Variants in NEMF observed in about 807,000 individuals in gnomAD.
NEMF encodes ribosome quality control complex subunit NEMF.
NEMF carries 89 observed loss-of-function variants against 162.2 expected under a neutral mutation model. The observed-to-expected ratio is 0.55, with a 90% CI of 0.46 to 0.65. The LOEUF is 0.65. NEMF is among the 30% of genes least tolerant of loss of function. The probability of loss-of-function intolerance (pLI) is 0.00; values close to 1 mark genes in which losing one functional copy is unlikely to be tolerated. For missense variants in NEMF, 1,133 were observed against 1,261.9 expected (o/e 0.90, Z 1.55); for synonymous variants, 421 against 404.5 (o/e 1.04, Z -0.49).
In NEMF at chr14:49,800,537, CCTT is replaced by C. The variant is rs773409258; in HGVS notation, c.2252_2254del (p.Glu751del). 11 of 1,614,006 alleles carry C rather than the reference CCTT, an allele frequency of 6.8e-6. No individual in the cohort carries two copies. The highest frequency in any genetic ancestry group is 1.7e-5 in the Admixed American group (1 of 60,018). Reference sequence around the variant, plus strand: ...ATCTTTTCTAACCTCTTCATATTCTCCTTCGTCTTCAGAGCTTTCTTCCTGAAT... The same window carrying C: ...ATCTTTTCTAACCTCTTCATATTCTCCGTCTTCAGAGCTTTCTTCCTGAAT... On this transcript the variant is annotated inframe_deletion, in exon 23 of 33. Transcript: ENST00000298310.
intron 16 of NEMF, chr14:49,818,520 T>C (rs1461167701): frequency 5.3e-5 from 8 of 152,292 alleles, no homozygotes; most frequent in Admixed American, 2.0e-4. Flanking sequence ...GAGTTTAAGA[T>C]GGGAATGAAA....
chr14:49,798,138 CGAAT>C (rs906585335), intron 25 of NEMF, among the ~76,000 whole-genome samples: 7 of 152,086 alleles, frequency 4.6e-5, no homozygotes, highest in African/African-American at 7.2e-5. Context: ...GGTTGAAAAA[CGAAT>C]GAATGAATGA....
chr14:49,788,957 T>C (rs1890314750), intron 28 of NEMF, among the ~76,000 whole-genome samples, 189 bp downstream of exon 28: 1 of 152,202 alleles, frequency 6.6e-6, no homozygotes, highest in Non-Finnish European at 1.5e-5. Flanking sequence ...CAGCTATCAG[T>C]ACTACCATTA....
chr14:49,820,582 A>C, intron 16 of NEMF: 1 of 439,676 alleles, frequency 2.3e-6, no homozygotes, highest in Admixed American at 2.5e-5. Context: ...TAGCCTGGCC[A>C]ATATGGTGAA....
At chr14:49,814,901 C>T in intron 16 of NEMF, 44 bp from the exon 17 acceptor site, 9 of 1,100,492 alleles carry the variant, frequency 8.2e-6, no homozygotes, top group Non-Finnish European at 1.1e-5. Context: ...TTTATAGCTG[C>T]CTGAATTCAT....
At chr14:49,851,725 A>T in intron 2 of NEMF, 60 bp from the exon 3 acceptor site, 1 of 1,492,524 alleles carries the variant, frequency 6.7e-7, no homozygotes, top group Non-Finnish European at 9.3e-7. Context: ...ATTGCTAAAC[A>T]GGCTTAAAAT....
chr14:49,817,180 T>G (rs1891755841), intron 16 of NEMF, among the ~76,000 whole-genome samples: 1 of 152,196 alleles, frequency 6.6e-6, no homozygotes, highest in African/African-American at 2.4e-5. Context: ...CGGTGGCTTA[T>G]GCCTGTAATC....
chr14:49,828,932 A>G (rs1343563031), intron 13 of NEMF, 122 bp downstream of exon 13: 1 of 1,284,614 alleles, frequency 7.8e-7, no homozygotes, highest in African/African-American at 1.5e-5. Flanking sequence ...TTTTAATCTA[A>G]ATTAGTTTTT....
intron 3 of NEMF, among the ~76,000 whole-genome samples, chr14:49,850,351 G>C (rs144245583): frequency 2.8e-4 from 42 of 152,300 alleles, no homozygotes; most frequent in African/African-American, 9.9e-4. Context: ...GCCTCCCAAA[G>C]TGTTGGAATT....
chr14:49,827,484 G>A (rs1051671996), intron 15 of NEMF, among the ~76,000 whole-genome samples: 1 of 150,000 alleles, frequency 6.7e-6, no homozygotes, highest in African/African-American at 2.4e-5. Flanking sequence ...ACCACACCCA[G>A]TCTTCACTTT....
chr14:49,800,339 CT>C, intron 23 of NEMF, 80 bp downstream of exon 23: 3 of 1,048,808 alleles, frequency 2.9e-6, no homozygotes, highest in Non-Finnish European at 2.7e-6. Flanking sequence ...TGATGTCAAT[CT>C]TGGTATTATC....
rs1890866335 is a variant in NEMF at position 49,799,654 on chromosome 14, T to C, written c.2397A>G (p.Lys799=). 3 of 1,612,416 alleles carry C rather than the reference T, an allele frequency of 1.9e-6. No individual in the cohort carries two copies. The highest frequency in any genetic ancestry group is 2.5e-6 in the Non-Finnish European group (3 of 1,179,428). ...AGCTTACAGAATTAGAAGATTCCTC[T>C]TTTGAAGCCAATTTCTGGATGGACC... ...PQRSIQKLAS[K]EESSNSSDSK... Residue 799 remains lysine, a synonymous_variant, in exon 24 of 33, where the codon AAA becomes AAG. Coordinates refer to ENST00000298310, the MANE Select transcript of NEMF (RefSeq NM_004713.6).
chr14:49,802,324 G>T, intron 22 of NEMF, 129 bp downstream of exon 22: 1 of 892,580 alleles, frequency 1.1e-6, no homozygotes, highest in Non-Finnish European at 1.7e-6. Context: ...AAAACAGCAC[G>T]TACTTTGGGT....
chr14:49,789,400 T>G (rs1890335491), intron 27 of NEMF, 57 bp from the exon 28 acceptor site: 8 of 1,610,834 alleles, frequency 5.0e-6, no homozygotes, highest in Non-Finnish European at 5.9e-6. Flanking sequence ...TGTGAATATT[T>G]TAACAAGAAT....
chr14:49,799,741 CA>C, intron 23 of NEMF, 63 bp from the exon 24 acceptor site: 2 of 1,341,880 alleles, frequency 1.5e-6, no homozygotes, highest in Non-Finnish European at 1.0e-6. Flanking sequence ...TACAAAGTCC[CA>C]AAACATTCCC....
At position 49,789,266 on chromosome 14, in the gene NEMF, C is replaced by A. The variant is rs149383082; in HGVS notation, c.2775G>T (p.Gln925His). The A allele has an allele frequency of 4.3e-6, 7 of 1,614,042 alleles. No homozygotes were observed. In the African/African-American group the frequency reaches 9.3e-5, roughly 22 times the overall value. ...GKTKDEPVKK[Q>H]PQKPRGGQRV... is the part of the protein sequence containing the mutation. The stretch of plus-strand genomic sequence containing the variant: ...TCTGTCCACCTCTAGGTTTCTGGGG[C>A]TGTTTCTTCACAGGTTCGTCCTTTG... The change falls in exon 28 of 33, where the codon CAG becomes CAT. Residue 925 changes from glutamine to histidine, a missense_variant. Gln to His is a conservative substitution (Grantham distance 24). Around this residue, in one of 3 missense-constraint regions of NEMF, gnomAD observed 532 missense variants for 578.6 expected, o/e 0.92. Coordinates refer to ENST00000298310, the MANE Select transcript of NEMF (RefSeq NM_004713.6).
intron 16 of NEMF, among the ~76,000 whole-genome samples, chr14:49,825,606 T>C (rs571705681): frequency 6.6e-6 from 1 of 152,254 alleles, no homozygotes; most frequent in South Asian, 2.1e-4. Flanking sequence ...CACAGTGGCA[T>C]GTGCCTGTAG....
chr14:49,813,662 G>GGGGTGTGTGTGT (rs892212697), intron 18 of NEMF, among the ~76,000 whole-genome samples: 1 of 148,570 alleles, frequency 6.7e-6, no homozygotes, highest in African/African-American at 2.5e-5. Flanking sequence ...TTTTTTATTA[G>GGGGTGTGTGTGT]GTGTGTGTGT....
chr14:49,784,737 A>G, intron 32 of NEMF, 24 bp from the exon 33 acceptor site: 1 of 1,579,838 alleles, frequency 6.3e-7, no homozygotes, highest in Non-Finnish European at 8.7e-7. Flanking sequence ...ATTGCTGAAT[A>G]TCTTCACATC....
Sources: allele counts gnomAD v4.1 joint callset (sites outside exome capture counted in the v4.1 genomes callset), GRCh38; gene constraint gnomAD v4.1.1; regional missense constraint gnomAD v4.1.1; transcripts MANE v1.5; gene names NCBI Gene and HGNC (gene_info 2026-07-23, HGNC 2026-07-21).